The following ZNF385D variants were observed in gnomAD, a reference collection of about 807,000 sequenced individuals.
ZNF385D encodes the protein zinc finger protein 385D, also known as zinc finger protein 659.
ZNF385D carries 15 observed loss-of-function variants against 35.8 expected under a neutral mutation model. That is an observed-to-expected ratio of 0.42 (90% CI 0.28 to 0.64). The LOEUF (loss-of-function observed/expected upper bound fraction) is 0.64. ZNF385D is among the 30% of genes least tolerant of loss of function. The pLI is 0.23. For synonymous variants in ZNF385D, 212 were observed against 186.8 expected (o/e 1.13, Z -1.10); for missense variants, 474 against 494.6 (o/e 0.96, Z 0.39).
intron 2 of ZNF385D, among the ~76,000 whole-genome samples, chr3:22,285,565 G>A (rs1343204065): frequency 6.6e-6 from 1 of 151,926 alleles, no homozygotes; most frequent in African/African-American, 2.4e-5. Flanking sequence ...AAGTTTTAGG[G>A]TACATGTGCA....
chr3:22,187,027 T>G (rs766802986), intron 2 of ZNF385D, among the ~76,000 whole-genome samples: 3 of 152,158 alleles, frequency 2.0e-5, no homozygotes, highest in African/African-American at 7.2e-5. Flanking sequence ...GAGCTGGGTT[T>G]TGAACTCAGG....
chr3:22,037,785 T>A (rs567716921), intron 3 of ZNF385D, among the ~76,000 whole-genome samples: 1 of 152,276 alleles, frequency 6.6e-6, no homozygotes, highest in African/African-American at 2.4e-5. Flanking sequence ...TCCTTGCCCA[T>A]GCCTATGTCC....
chr3:21,642,087 G>A (rs1416825168), intron 2 of ZNF385D, among the ~76,000 whole-genome samples: 1 of 151,994 alleles, frequency 6.6e-6, no homozygotes, highest in Non-Finnish European at 1.5e-5. Context: ...AGGTTGTGGT[G>A]GCCAGATTTT....
At chr3:21,903,197 G>A (rs1288521545) in intron 3 of ZNF385D, among the ~76,000 whole-genome samples, 1 of 152,140 alleles carries the variant, frequency 6.6e-6, no homozygotes, top group East Asian at 1.9e-4. Context: ...TTAATAACTA[G>A]TAATATGAAC....
chr3:22,141,740 C>T (rs898780437), intron 3 of ZNF385D, among the ~76,000 whole-genome samples: 3 of 152,148 alleles, frequency 2.0e-5, no homozygotes, highest in African/African-American at 7.2e-5. Flanking sequence ...TGTGTCAATA[C>T]TTACTACCTG....
chr3:22,137,911 C>T (rs1312420868), intron 3 of ZNF385D, among the ~76,000 whole-genome samples: 1 of 152,014 alleles, frequency 6.6e-6, no homozygotes, highest in African/African-American at 2.4e-5. Flanking sequence ...GATTGTATAT[C>T]TAGAAAACCC....
rs560083308 is a variant in ZNF385D at position 22,272,747 on chromosome 3, C to T, written c.106+99703G>A. ...TTAGACTGTATGTAAATAATTGTAT[C>T]CCTTATTTGGCTTTGTCACCAGTAA... On this transcript the variant is annotated intron_variant, in intron 2 of 5. Transcript: ENST00000494108. 4.6e-5 allele frequency among the ~76,000 whole-genome samples: 7 copies of T among 152,040 alleles called. No individual in the cohort carries two copies. In the South Asian group the frequency reaches 1.5e-3, roughly 32 times the overall value.
chr3:22,335,890 G>C (rs1695139255), intron 2 of ZNF385D, among the ~76,000 whole-genome samples: 1 of 152,034 alleles, frequency 6.6e-6, no homozygotes, highest in South Asian at 2.1e-4. Context: ...AGAACACTAA[G>C]TACATCTGGG....
chr3:21,997,059 CTG>C (rs1253643088), intron 3 of ZNF385D, among the ~76,000 whole-genome samples: 1 of 151,458 alleles, frequency 6.6e-6, no homozygotes, highest in Non-Finnish European at 1.5e-5. Context: ...TAAAAAAAAA[CTG>C]TGATTTTTTT....
intron 3 of ZNF385D, among the ~76,000 whole-genome samples, chr3:22,083,900 A>G (rs964010271): frequency 1.3e-5 from 2 of 152,352 alleles, no homozygotes; most frequent in Middle Eastern, 3.4e-3. Context: ...GAAACTCTAC[A>G]AGCCAGAAGA....
chr3:22,178,432 G>A (rs1296826820), intron 2 of ZNF385D, among the ~76,000 whole-genome samples: 1 of 152,122 alleles, frequency 6.6e-6, no homozygotes, highest in Admixed American at 6.6e-5. Context: ...TGATGGGGTT[G>A]TTTTTTTCTT....
chr3:22,154,345 C>A (rs1269302160), intron 3 of ZNF385D, among the ~76,000 whole-genome samples: 1 of 152,110 alleles, frequency 6.6e-6, no homozygotes, highest in Non-Finnish European at 1.5e-5. Flanking sequence ...TTAAGTCAAA[C>A]CCATGTCTAG....
intron 4 of ZNF385D, among the ~76,000 whole-genome samples, chr3:21,489,324 T>C (rs749725747): frequency 2.6e-5 from 4 of 152,112 alleles, no homozygotes; most frequent in Non-Finnish European, 4.4e-5. Flanking sequence ...CCTGGGGCTA[T>C]TAAATCAGTG....
At chr3:22,016,768 T>TG (rs34444546) in intron 3 of ZNF385D, among the ~76,000 whole-genome samples, 10 of 151,946 alleles carry the variant, frequency 6.6e-5, no homozygotes, top group Non-Finnish European at 1.3e-4. Context: ...ACTGAAGTTT[T>TG]GGGGGTTGTT....
intron 2 of ZNF385D, among the ~76,000 whole-genome samples, chr3:21,591,312 AATATT>A (rs1187906603): frequency 1.3e-5 from 2 of 152,098 alleles, no homozygotes; most frequent in Non-Finnish European, 2.9e-5. Flanking sequence ...ATAATTTCAC[AATATT>A]ATATTTTATG....
At chr3:21,593,872 C>T (rs1333417366) in intron 2 of ZNF385D, among the ~76,000 whole-genome samples, 3 of 152,110 alleles carry the variant, frequency 2.0e-5, no homozygotes, top group African/African-American at 7.2e-5. Flanking sequence ...GGGCACTTCT[C>T]AGAGCCAAGA....
intron 2 of ZNF385D, among the ~76,000 whole-genome samples, chr3:21,621,865 C>CTG (rs10580512): frequency 0.23 from 33,996 of 146,034 alleles, 3,755 homozygotes; most frequent in East Asian, 0.3. Context: ...CCTGTTACCA[C>CTG]TGTGTGTGTG....
At chr3:22,085,562 T>C (rs111372090) in intron 3 of ZNF385D, among the ~76,000 whole-genome samples, 4 of 151,958 alleles carry the variant, frequency 2.6e-5, no homozygotes, top group African/African-American at 9.7e-5. Context: ...AATAACAGGC[T>C]CTGAAATTGA....
intron 2 of ZNF385D, among the ~76,000 whole-genome samples, chr3:22,296,020 C>G (rs890893590): frequency 6.6e-6 from 1 of 152,120 alleles, no homozygotes; most frequent in African/African-American, 2.4e-5. Flanking sequence ...TCACCTATAA[C>G]CTTTGCATGG....
Sources: allele counts gnomAD v4.1 joint callset (sites outside exome capture counted in the v4.1 genomes callset), GRCh38; gene constraint gnomAD v4.1.1; transcripts MANE v1.5; gene names NCBI Gene and HGNC (gene_info 2026-07-23, HGNC 2026-07-21).